Variants in EVL observed in about 807,000 individuals in gnomAD.
EVL encodes the protein Enah/Vasp-like.
Under a neutral mutation model 59.6 loss-of-function variants are expected in EVL, and 21 were observed. The observed-to-expected ratio is 0.35, with a 90% confidence interval of 0.25 to 0.51. EVL has a LOEUF of 0.51. EVL is among the 20% of genes least tolerant of loss of function. The probability of loss-of-function intolerance (pLI) is 0.97; values close to 1 mark genes in which losing one functional copy is unlikely to be tolerated. For synonymous variants in EVL, 198 were observed against 203.5 expected (o/e 0.97, Z 0.23); for missense variants, 462 against 546.6 (o/e 0.85, Z 1.54).
At chr14:100,088,928 A>G (rs1290420796) in intron 2 of EVL, among the ~76,000 whole-genome samples, 1 of 152,222 alleles carries the variant, frequency 6.6e-6, no homozygotes, top group Non-Finnish European at 1.5e-5. Context: ...GCCTCCAAAA[A>G]CAAAAAGTTG....
At chr14:100,125,253 TACACACACACACAC>T (rs34556561) in intron 4 of EVL, among the ~76,000 whole-genome samples, 38 of 119,564 alleles carry the variant, frequency 3.2e-4, no homozygotes, top group Non-Finnish European at 4.3e-4. Context: ...AAGGCAGGAA[TACACACACACACAC>T]ACACACACAC....
intron 1 of EVL, among the ~76,000 whole-genome samples, chr14:100,003,263 GGCTTTAATT>G (rs1363736648): frequency 3.3e-5 from 5 of 152,156 alleles, no homozygotes; most frequent in Non-Finnish European, 7.4e-5. Context: ...CTGAAGATGA[GGCTTTAATT>G]GCTATCACTG....
At chr14:100,025,366 G>C (rs1244189139) in intron 1 of EVL, among the ~76,000 whole-genome samples, 1 of 152,048 alleles carries the variant, frequency 6.6e-6, no homozygotes, top group Non-Finnish European at 1.5e-5. Flanking sequence ...CTTGAGGCCT[G>C]TGCACTGACA....
intron 2 of EVL, among the ~76,000 whole-genome samples, chr14:100,096,098 T>C (rs1345733833): frequency 6.6e-6 from 1 of 152,156 alleles, no homozygotes; most frequent in Admixed American, 6.5e-5. Flanking sequence ...GTGCCTGTCA[T>C]AGGAAGACCC....
At chr14:100,013,407 C>G (rs944049781) in intron 1 of EVL, among the ~76,000 whole-genome samples, 1 of 152,214 alleles carries the variant, frequency 6.6e-6, no homozygotes, top group Non-Finnish European at 1.5e-5. Flanking sequence ...ATGCACATCA[C>G]AGCATCCCCA....
rs1296728217 is a variant in EVL at position 100,034,805 on chromosome 14, C to T, written c.6-49882C>T. Among the ~76,000 whole-genome samples the T allele has an allele frequency of 2.0e-5, 3 of 152,094 alleles. No homozygotes were observed. The East Asian group carries it at 5.8e-4, about 29-fold the overall frequency. On this transcript the variant is annotated intron_variant, in intron 1 of 13. Transcript: ENST00000402714. ...AGTCCCATTTGGATGTGAGCTCAGG[C>T]TCCTCCTCTTATTGGTAATTATTGT...
At chr14:100,081,743 C>T (rs2062312763) in intron 1 of EVL, among the ~76,000 whole-genome samples, 1 of 152,182 alleles carries the variant, frequency 6.6e-6, no homozygotes, top group South Asian at 2.1e-4. Context: ...CCTGTCTCTT[C>T]CTCCTAGAAC....
rs1886850302 is a variant in EVL at position 100,109,931 on chromosome 14, C to T, written c.358+12273C>T. Among the ~76,000 whole-genome samples the T allele has an allele frequency of 2.0e-5, 3 of 152,232 alleles. 1 individual carries two copies. The South Asian group carries it at 6.2e-4, about 31-fold the overall frequency. ...TTGGGCATGTCACTGACCTAAGACT[C>T]AGTTTCGCCATCTGTGAAATGGCTG... On this transcript the variant is annotated intron_variant, in intron 3 of 13. Transcript: ENST00000392920. This position sits in a 1 kb window ranked among gnomAD's most constrained non-coding sequence, Gnocchi z 4.3.
Position 100,141,762 on chromosome 14 carries a change from G to C in EVL, c.1188G>C (p.Glu396Asp), listed in dbSNP as rs1177565790. 1 of 1,613,536 alleles carries C rather than the reference G, an allele frequency of 6.2e-7. No individual in the cohort carries two copies. Among genetic ancestry groups the C allele is most frequent in the Non-Finnish European group, 8.5e-7 (1 of 1,179,954 alleles). ...AGATCCTAGAGGAGGTGGTGAGAGAGCTCCACAAGGTGAAGGAGGAGATCA... is the reference window on the plus strand; with the variant it reads ...AGATCCTAGAGGAGGTGGTGAGAGACCTCCACAAGGTGAAGGAGGAGATCA... ...KQEILEEVVRELHKVKEEIID... is the reference protein window; with the variant it reads ...KQEILEEVVRDLHKVKEEIID... Residue 396 changes from glutamate to aspartate, a missense_variant, in exon 13 of 14, where the codon GAG becomes GAC. Transcript: ENST00000392920.
intron 1 of EVL, among the ~76,000 whole-genome samples, chr14:100,073,199 T>C (rs553853641): frequency 3.3e-5 from 5 of 152,014 alleles, no homozygotes; most frequent in Admixed American, 3.3e-4. Flanking sequence ...CTTGAAATGG[T>C]TCTTTGTTTC....
chr14:100,132,648 A>G, intron 7 of EVL, 71 bp from the exon 8 acceptor site: 1 of 1,532,800 alleles, frequency 6.5e-7, no homozygotes, highest in Non-Finnish European at 9.0e-7. Flanking sequence ...GGCAGGGTGG[A>G]GGCAGAAGAG....
At chr14:100,002,465 G>A (rs1250777431) in intron 1 of EVL, among the ~76,000 whole-genome samples, 1 of 152,056 alleles carries the variant, frequency 6.6e-6, no homozygotes, top group Non-Finnish European at 1.5e-5. Flanking sequence ...ACTGCTAATA[G>A]GCACTAAGTC....
At chr14:100,123,399 G>T (rs2140367604) in intron 3 of EVL, 140 bp from the exon 4 acceptor site, 1 of 746,018 alleles carries the variant, frequency 1.3e-6, no homozygotes, top group East Asian at 2.7e-5. Flanking sequence ...ACAGGTGTGA[G>T]TGAGGCCAAC....
intron 9 of EVL, among the ~76,000 whole-genome samples, chr14:100,136,923 G>A (rs537941729): frequency 5.9e-5 from 9 of 152,238 alleles, no homozygotes; most frequent in East Asian, 1.9e-4. Flanking sequence ...CAGGCCCAGC[G>A]CCTGTCCCAG....
intron 8 of EVL, among the ~76,000 whole-genome samples, chr14:100,133,902 A>T (rs1442233776): frequency 6.6e-6 from 1 of 152,108 alleles, no homozygotes; most frequent in Non-Finnish European, 1.5e-5. Flanking sequence ...GCACCATTGC[A>T]CTCCAGCCTG....
intron 1 of EVL, among the ~76,000 whole-genome samples, chr14:100,011,203 G>A (rs1035276301): frequency 6.6e-6 from 1 of 152,182 alleles, no homozygotes; most frequent in African/African-American, 2.4e-5. Context: ...TGGAGAAAAG[G>A]CAAAAAGATT....
intron 2 of EVL, among the ~76,000 whole-genome samples, chr14:100,090,294 T>C (rs1267238374): frequency 1.3e-5 from 2 of 152,226 alleles, no homozygotes; most frequent in East Asian, 3.9e-4. Context: ...ACTAAAAACA[T>C]AGAATATCGT....
chr14:100,019,687 G>A (rs1044064978), intron 1 of EVL: 33 of 1,533,220 alleles, frequency 2.2e-5, no homozygotes, highest in Non-Finnish European at 2.9e-5. Context: ...GAAGAATTCA[G>A]GTATGTTCTG....
upstream of EVL, among the ~76,000 whole-genome samples, chr14:100,062,236 A>G (rs1248144593): frequency 7.4e-6 from 1 of 134,926 alleles, no homozygotes; most frequent in Admixed American, 7.4e-5. Context: ...ATATATATAT[A>G]TGACTGTCCA....
Sources: allele counts gnomAD v4.1 joint callset (sites outside exome capture counted in the v4.1 genomes callset), GRCh38; gene constraint gnomAD v4.1.1; non-coding constraint Gnocchi (gnomAD v3.1); transcripts MANE v1.5; gene names NCBI Gene and HGNC (gene_info 2026-07-23, HGNC 2026-07-21).